Variants in WNK1 observed in about 807,000 individuals in gnomAD.
The protein encoded by WNK1 is serine/threonine-protein kinase WNK1.
In WNK1, 38 loss-of-function variants were observed where a neutral mutation model predicts 222.8. That is an observed-to-expected ratio of 0.17 (90% CI 0.13 to 0.22). WNK1 has a LOEUF of 0.22. Ranked by LOEUF, WNK1 falls within the 10% of genes least tolerant of loss-of-function variation. The probability of loss-of-function intolerance (pLI) is 1.00; values close to 1 mark genes in which losing one functional copy is unlikely to be tolerated. For synonymous variants in WNK1, 1,090 were observed against 1,092.9 expected (o/e 1.00, Z 0.05); for missense variants, 2,348 against 2,918.4 (o/e 0.80, Z 4.50).
chr12:867,393 A>G (rs1235784426), intron 8 of WNK1, among the ~76,000 whole-genome samples: 1 of 152,184 alleles, frequency 6.6e-6, no homozygotes, highest in Non-Finnish European at 1.5e-5. Context: ...CTAACATATC[A>G]CAGGGTAATA....
intron 26 of WNK1, among the ~76,000 whole-genome samples, chr12:906,966 G>C (rs71449111): frequency 7.0e-6 from 1 of 143,448 alleles, no homozygotes; most frequent in Non-Finnish European, 1.5e-5. Context: ...GCTGCAGTGA[G>C]ACGTGATTGT....
chr12:891,400 A>C (rs2154090737), intron 22 of WNK1, among the ~76,000 whole-genome samples: 1 of 152,316 alleles, frequency 6.6e-6, no homozygotes, highest in South Asian at 2.1e-4. Context: ...GGCCTCCCAG[A>C]GTGCTGGGAT....
At chr12:908,442 A>G (rs1955883393) in intron 27 of WNK1, 33 bp from the exon 28 acceptor site, 4 of 1,612,248 alleles carry the variant, frequency 2.5e-6, no homozygotes, top group Non-Finnish European at 3.4e-6. Flanking sequence ...CATGGCCCAC[A>G]CCAGACTTGA....
At chr12:765,177 A>T (rs774535108) in intron 1 of WNK1, among the ~76,000 whole-genome samples, 2 of 147,948 alleles carry the variant, frequency 1.4e-5, no homozygotes, top group Non-Finnish European at 3.0e-5. Flanking sequence ...AATTTTTAGA[A>T]CTTCATTGTC....
intron 26 of WNK1, chr12:906,213 TA>T: frequency 1.3e-6 from 1 of 752,434 alleles, no homozygotes; most frequent in Non-Finnish European, 1.6e-6. Context: ...ATTTATTCTG[TA>T]ACACGTGAGA....
At chr12:850,598 C>CT (rs1232849673) in intron 4 of WNK1, among the ~76,000 whole-genome samples, 5 of 152,076 alleles carry the variant, frequency 3.3e-5, no homozygotes, top group African/African-American at 2.4e-5. Flanking sequence ...TCAATTTTGG[C>CT]TTTTTTTGCC....
chr12:866,660 G>A (rs1951695601), intron 8 of WNK1, among the ~76,000 whole-genome samples: 1 of 152,038 alleles, frequency 6.6e-6, no homozygotes, highest in African/African-American at 2.4e-5. Flanking sequence ...GCGCCCAGCG[G>A]GTAATGAATT....
intron 2 of WNK1, among the ~76,000 whole-genome samples, chr12:822,387 G>A (rs748707119): frequency 5.9e-5 from 9 of 151,918 alleles, no homozygotes; most frequent in Non-Finnish European, 1.2e-4. Context: ...GCCACCGCCC[G>A]CAGCCGTAAT....
In WNK1 at chr12:758,035, TA is replaced by T. The variant is rs71051381; in HGVS notation, c.759+3730del. ...GGGTGACAGGGTGAGACTCTGTCTC[TA>T]AAAAAAAAAAAAAAAAAAGAAAGAA... On this transcript the variant is annotated intron_variant, in intron 1 of 27. Transcript: ENST00000315939. 2.2e-4 allele frequency among the ~76,000 whole-genome samples: 26 copies of T among 116,290 alleles called. 2 individuals are homozygous for T. Among genetic ancestry groups the T allele is most frequent in the Non-Finnish European group, 3.1e-4 (17 of 54,508 alleles). 76.3% of individuals were successfully genotyped at this position (116,290 alleles called of 152,430 possible). A position where few individuals can be genotyped will look rare whatever the true frequency, so the allele number is the denominator to read the frequency against.
In WNK1 at chr12:862,245, A is replaced by G. The variant is rs761152723; in HGVS notation, c.2114A>G (p.His705Arg). 10 of 1,614,090 alleles carry G rather than the reference A, an allele frequency of 6.2e-6. No homozygotes were observed. The highest frequency in any genetic ancestry group is 4.4e-5 in the South Asian group (4 of 91,076). ...PSTVQAQSQP[H>R]GVYPPSSVAQ... ...ACTGTCCAAGCACAGTCTCAGCCCC[A>G]TGGGGTATATCCACCCTCAAGTGTG... The change falls in exon 8 of 28, where the codon CAT (histidine) becomes CGT (arginine). Residue 705 changes from histidine (H) to arginine (R), a missense_variant. Physicochemically the swap from His to Arg is conservative, Grantham distance 29. Around this residue, in one of 13 missense-constraint regions of WNK1, gnomAD observed 547 missense variants for 558.3 expected, o/e 0.98. Transcript: ENST00000315939.
intron 1 of WNK1, among the ~76,000 whole-genome samples, chr12:757,429 G>A (rs1459707036): frequency 6.8e-6 from 1 of 146,798 alleles, no homozygotes; most frequent in East Asian, 2.1e-4. Context: ...GGGTTCAAGC[G>A]ATTCTCCTGC....
In WNK1 at chr12:886,059, C is replaced by A. The variant is rs750096108; in HGVS notation, c.5255C>A (p.Ser1752Tyr). The change falls in exon 19 of 28, where the codon TCC (serine) becomes TAC (tyrosine). Residue 1752 changes from serine to tyrosine, a missense_variant. Physicochemically the swap from Ser to Tyr is moderately radical, Grantham distance 144 (BLOSUM62 -2). Transcript: ENST00000315939. ...GGAGTGAAACCTGGAACTGCTCCCTCCAAGCCACCTCTAACTAAGGCTCCG... is the reference window on the plus strand; with the variant it reads ...GGAGTGAAACCTGGAACTGCTCCCTACAAGCCACCTCTAACTAAGGCTCCG... The part of the protein sequence containing the change: ...TSGVKPGTAP[S>Y]KPPLTKAPVL... The A allele has an allele frequency of 2.5e-6, 4 of 1,606,680 alleles. No individual in the cohort carries two copies. In the South Asian group the frequency reaches 4.5e-5, roughly 18 times the overall value.
chr12:874,807 A>G (rs1952463276), intron 9 of WNK1, among the ~76,000 whole-genome samples: 1 of 152,180 alleles, frequency 6.6e-6, no homozygotes, highest in East Asian at 1.9e-4. Context: ...CCAAACTTAC[A>G]GCTTATAAGA....
chr12:783,473 C>G (rs1196394213), intron 1 of WNK1, among the ~76,000 whole-genome samples: 46 of 138,212 alleles, frequency 3.3e-4, no homozygotes, highest in Non-Finnish European at 1.7e-4. Context: ...GGCAACAAAC[C>G]AAGATGCTGT....
intron 26 of WNK1, among the ~76,000 whole-genome samples, chr12:903,686 C>T (rs997288448): frequency 6.6e-6 from 1 of 152,266 alleles, no homozygotes; most frequent in Middle Eastern, 3.4e-3. Context: ...AAATGAAAGG[C>T]CCTACATCCT....
At chr12:770,342 T>C (rs1284123838) in intron 1 of WNK1, among the ~76,000 whole-genome samples, 1 of 152,186 alleles carries the variant, frequency 6.6e-6, no homozygotes, top group Non-Finnish European at 1.5e-5. Context: ...TTAGGAAATA[T>C]TTATAAGTAA....
At chr12:766,331 T>A (rs935714878) in intron 1 of WNK1, among the ~76,000 whole-genome samples, 6 of 152,176 alleles carry the variant, frequency 3.9e-5, no homozygotes, top group Non-Finnish European at 8.8e-5. Context: ...TAATTTTAAA[T>A]GAATAAGTTC....
At chr12:757,309 C>CTT (rs946901263) in intron 1 of WNK1, among the ~76,000 whole-genome samples, 129 of 83,574 alleles carry the variant, frequency 1.5e-3, no homozygotes, top group South Asian at 8.5e-3. Context: ...AGCATCAATT[C>CTT]TTTTTTTTTT....
intron 4 of WNK1, among the ~76,000 whole-genome samples, chr12:846,631 C>G (rs1175344550): frequency 1.3e-5 from 2 of 152,100 alleles, no homozygotes; most frequent in African/African-American, 4.8e-5. Flanking sequence ...CTATAACAAC[C>G]AAGTTAGAAA....
Sources: allele counts gnomAD v4.1 joint callset (sites outside exome capture counted in the v4.1 genomes callset), GRCh38; gene constraint gnomAD v4.1.1; regional missense constraint gnomAD v4.1.1; transcripts MANE v1.5; gene names NCBI Gene and HGNC (gene_info 2026-07-23, HGNC 2026-07-21).